The following PHKB variants were observed in gnomAD, a reference collection of about 807,000 sequenced individuals.
PHKB encodes the protein phosphorylase b kinase regulatory subunit beta.
PHKB carries 122 observed loss-of-function variants against 152.1 expected under a neutral mutation model. That is an observed-to-expected ratio of 0.80 (90% CI 0.69 to 0.93). The LOEUF is 0.93. PHKB is among the 40% of genes least tolerant of loss of function. The pLI is 0.00. For missense variants in PHKB, 1,304 were observed against 1,328.4 expected (o/e 0.98, Z 0.29); for synonymous variants, 436 against 464.9 (o/e 0.94, Z 0.80).
At chr16:47,657,237 T>C (rs184703091) in intron 20 of PHKB, among the ~76,000 whole-genome samples, 56 of 152,346 alleles carry the variant, frequency 3.7e-4, no homozygotes, top group Non-Finnish European at 2.8e-4. Flanking sequence ...TCCTCACTAC[T>C]GTTATCTGTG....
chr16:47,496,633 A>G (rs1359180837), intron 1 of PHKB, among the ~76,000 whole-genome samples: 1 of 152,252 alleles, frequency 6.6e-6, no homozygotes, highest in African/African-American at 2.4e-5. Context: ...GAGAGACAGT[A>G]CATAGTCTGA....
chr16:47,595,541 A>T (rs888893977), intron 12 of PHKB, among the ~76,000 whole-genome samples: 2 of 152,122 alleles, frequency 1.3e-5, no homozygotes, highest in Non-Finnish European at 2.9e-5. Context: ...CTCTTCGGTG[A>T]TATTGAATGG....
At position 47,565,815 on chromosome 16, in the gene PHKB, T is replaced by C. The variant is rs1405761261; in HGVS notation, c.711-14480T>C. ...TTCTCTAGCAGCTGTGTCAATGGGCTTTGTCCCTCCAAAGACAGAAGCAGC... is the reference window on the plus strand; with the variant it reads ...TTCTCTAGCAGCTGTGTCAATGGGCCTTGTCCCTCCAAAGACAGAAGCAGC... On this transcript the variant is annotated intron_variant, in intron 7 of 30. Transcript: ENST00000323584. 5 of 1,444,668 alleles carry C rather than the reference T, an allele frequency of 3.5e-6. No individual in the cohort carries two copies. In the East Asian group the frequency reaches 1.1e-4, roughly 33 times the overall value. The allele number at this position is 1,444,668 out of a possible 1,614,324, so 89.5% of individuals were successfully genotyped here.
intron 17 of PHKB, 129 bp from the exon 18 acceptor site, chr16:47,648,971 G>T (rs867859194): frequency 2.9e-6 from 2 of 680,612 alleles, no homozygotes; most frequent in East Asian, 2.7e-5. Context: ...TCTGGATGTC[G>T]CAAGCTATTA....
intron 1 of PHKB, among the ~76,000 whole-genome samples, chr16:47,476,092 G>A (rs1285116249): frequency 6.6e-6 from 1 of 151,738 alleles, no homozygotes; most frequent in East Asian, 1.9e-4. Context: ...CTGGTCTCAA[G>A]CTCCTGTCCT....
intron 1 of PHKB, among the ~76,000 whole-genome samples, chr16:47,483,993 C>T (rs1421296030): frequency 6.6e-6 from 1 of 152,040 alleles, no homozygotes; most frequent in Non-Finnish European, 1.5e-5. Flanking sequence ...AAAAGGAGTT[C>T]CAAAACTTTA....
chr16:47,687,512 A>G (rs1343881503), intron 26 of PHKB, among the ~76,000 whole-genome samples: 4 of 152,216 alleles, frequency 2.6e-5, no homozygotes, highest in Non-Finnish European at 5.9e-5. Flanking sequence ...GTAAATCTTA[A>G]TTCTGTTACA....
At position 47,588,993 on chromosome 16, in the gene PHKB, T is replaced by C. The variant is rs2151697565; in HGVS notation, c.959T>C (p.Val320Ala). 6.2e-7 allele frequency: 1 copy of C among 1,613,788 alleles called. No homozygotes were observed. Among genetic ancestry groups the C allele is most frequent in the Non-Finnish European group, 8.5e-7 (1 of 1,179,740 alleles). Residue 320 changes from valine (V) to alanine (A), a missense_variant, in exon 10 of 31, where the codon GTG (valine) becomes GCG (alanine). By Grantham distance (64) the Val-to-Ala change is moderately conservative. Transcript: ENST00000323584. ...EVLFSQTLDK[V>A]VRKLKGKYGF... ...CTTTTTAGCCAGACACTTGATAAAG[T>C]GGTTAGAAAATTAAAAGGAAAATAT... is the stretch of plus-strand genomic sequence containing the variant.
At chr16:47,475,764 G>A (rs755516093) in intron 1 of PHKB, among the ~76,000 whole-genome samples, 24 of 151,958 alleles carry the variant, frequency 1.6e-4, no homozygotes, top group Non-Finnish European at 2.9e-4. Flanking sequence ...TTGGTATTAC[G>A]GTAAGCATTG....
At chr16:47,578,984 T>G (rs1971796584) in intron 7 of PHKB, among the ~76,000 whole-genome samples, 1 of 152,144 alleles carries the variant, frequency 6.6e-6, no homozygotes, top group Admixed American at 6.5e-5. Context: ...GGTTGGCTCC[T>G]TTGACTTTAA....
At chr16:47,542,347 C>G (rs946297787) in intron 6 of PHKB, among the ~76,000 whole-genome samples, 2 of 151,982 alleles carry the variant, frequency 1.3e-5, no homozygotes, top group Non-Finnish European at 2.9e-5. Context: ...CTGTTCTGTT[C>G]CAGTGGTGTC....
chr16:47,627,014 T>G (rs1972722535), intron 14 of PHKB, among the ~76,000 whole-genome samples: 1 of 152,216 alleles, frequency 6.6e-6, no homozygotes, highest in African/African-American at 2.4e-5. Flanking sequence ...CCCATGATTC[T>G]AAAACCTGGT....
intron 6 of PHKB, chr16:47,529,209 G>A (rs1480533782): frequency 1.3e-5 from 2 of 152,062 alleles, no homozygotes; most frequent in African/African-American, 2.4e-5. Flanking sequence ...AAGTTTCTTG[G>A]CCAGGTGCAG....
intron 14 of PHKB, among the ~76,000 whole-genome samples, chr16:47,632,437 G>A (rs1972844330): frequency 6.6e-6 from 1 of 152,168 alleles, no homozygotes; most frequent in Admixed American, 6.6e-5. Flanking sequence ...TATGAAAAGA[G>A]TTCCATGATA....
chr16:47,565,405 G>A, intron 7 of PHKB: 1 of 1,182,002 alleles, frequency 8.5e-7, no homozygotes, highest in Non-Finnish European at 1.3e-6. Context: ...CACTTGTAGG[G>A]ATTGCTGCTC....
At chr16:47,669,135 C>A in intron 25 of PHKB, 80 bp from the exon 26 acceptor site, 2 of 1,046,410 alleles carry the variant, frequency 1.9e-6, no homozygotes, top group Non-Finnish European at 3.0e-6. Flanking sequence ...GCCTGCCAGT[C>A]ATTCTGAGCC....
rs1175008295 is a variant in PHKB at position 47,515,600 on chromosome 16, A to AG, written c.594+1dup. On this transcript the variant is annotated frameshift_variant and splice_region_variant, in exon 6 of 31. Transcript: ENST00000323584. LOFTEE classifies it high-confidence loss of function. Reference sequence around the variant, plus strand: ...CTCCAGATTATCTACAACACTGATGAGGTATGCTTTCCCCAAATTTTCTAT... The same window carrying AG: ...CTCCAGATTATCTACAACACTGATGAGGGTATGCTTTCCCCAAATTTTCTAT... The AG allele has an allele frequency of 3.0e-6, 4 of 1,325,816 alleles. No homozygotes were observed. The highest frequency in any genetic ancestry group is 4.4e-6 in the Non-Finnish European group (4 of 918,022). 82.1% of individuals were successfully genotyped at this position (1,325,816 alleles called of 1,614,324 possible).
In PHKB at chr16:47,473,042, G is replaced by GTT. The variant is rs970277549; in HGVS notation, c.76+11626_76+11627dup. Among the ~76,000 whole-genome samples, 99 of 145,298 alleles carry GTT rather than the reference G, an allele frequency of 6.8e-4. 1 individual carries two copies. Among genetic ancestry groups the GTT allele is most frequent in the African/African-American group, 2.3e-3 (92 of 40,554 alleles). On this transcript the variant is annotated intron_variant, in intron 1 of 30. Transcript: ENST00000323584. ...GTTCATTGTAGCTTCTAGGATCTGT[G>GTT]TTTTTTTTTTTGTTTGTTTGTTTGT...
intron 24 of PHKB, chr16:47,664,307 C>G (rs939659089): frequency 6.3e-6 from 1 of 158,202 alleles, no homozygotes; most frequent in Admixed American, 6.1e-5. Context: ...ACATGGCCCT[C>G]TGCATTTTGA....
Sources: allele counts gnomAD v4.1 joint callset (sites outside exome capture counted in the v4.1 genomes callset), GRCh38; gene constraint gnomAD v4.1.1; transcripts MANE v1.5; gene names NCBI Gene and HGNC (gene_info 2026-07-23, HGNC 2026-07-21).